SLC22A24: variants seen among roughly 807,000 people sequenced by gnomAD.
The protein encoded by SLC22A24 is steroid transmembrane transporter SLC22A24.
In SLC22A24, 53 loss-of-function variants were observed where a neutral mutation model predicts 49.8. That is an observed-to-expected ratio of 1.06 (90% CI 0.85 to 1.34). The LOEUF is 1.34. Ranked by LOEUF, SLC22A24 falls within the 40% of genes most tolerant of loss-of-function variation. SLC22A24 has a pLI of 0.00. For synonymous variants in SLC22A24, 302 were observed against 256.4 expected, an observed-to-expected ratio of 1.18 and a Z score of -1.70; for missense variants, 786 against 675.9, an observed-to-expected ratio of 1.16 and a Z score of -1.81.
rs2087235585 is a variant in SLC22A24 at position 63,119,340 on chromosome 11, G to A, written c.507-5C>T. On this transcript the variant is annotated splice_polypyrimidine_tract_variant and splice_region_variant and intron_variant, in intron 2 of 9. Coordinates refer to ENST00000612278, the MANE Select transcript of SLC22A24 (RefSeq NM_001136506.2). ...CATATGATCTTCCGTCCAACCCTAA[G>A]AAATATTAAACCAGATAACGTTACT... The A allele has an allele frequency of 6.6e-7, 1 of 1,524,514 alleles. No individual in the cohort carries two copies. The highest frequency in any genetic ancestry group is 8.8e-7 in the Non-Finnish European group (1 of 1,137,938). The allele number at this position is 1,524,514 out of a possible 1,614,324, so 94.4% of individuals were successfully genotyped here.
intron 2 of SLC22A24, among the ~76,000 whole-genome samples, chr11:63,129,352 C>T (rs11231377): frequency 0.21 from 31,919 of 152,060 alleles, 4,257 homozygotes; most frequent in East Asian, 0.34. Context: ...TTTTGGTACC[C>T]GTACCATGCT....
intron 6 of SLC22A24, among the ~76,000 whole-genome samples, chr11:63,090,012 C>T (rs1366358054): frequency 1.5e-5 from 2 of 130,168 alleles, no homozygotes; most frequent in East Asian, 4.8e-4. Context: ...ACCCAGGAGG[C>T]AGAGCTTGCA....
chr11:63,116,700 C>T (rs139010081), intron 4 of SLC22A24, among the ~76,000 whole-genome samples: 9 of 152,246 alleles, frequency 5.9e-5, no homozygotes, highest in East Asian at 3.9e-4. Flanking sequence ...TCTCAGCCCT[C>T]GCCTTCTGGG....
At chr11:63,098,362 C>A (rs1022066017) in intron 5 of SLC22A24, among the ~76,000 whole-genome samples, 8 of 152,056 alleles carry the variant, frequency 5.3e-5, no homozygotes, top group Non-Finnish European at 1.2e-4. Context: ...TGCCTACATC[C>A]AAAATGTATA....
intron 5 of SLC22A24, among the ~76,000 whole-genome samples, chr11:63,099,554 A>G (rs2087078080): frequency 6.6e-6 from 1 of 151,654 alleles, no homozygotes; most frequent in South Asian, 2.1e-4. Flanking sequence ...CGGGAGGAGA[A>G]AATACTTTCA....
At chr11:63,108,307 T>G (rs1248471445) in intron 4 of SLC22A24, among the ~76,000 whole-genome samples, 1 of 152,186 alleles carries the variant, frequency 6.6e-6, no homozygotes, top group Non-Finnish European at 1.5e-5. Flanking sequence ...GTGGATAAGC[T>G]TTTTGATGTG....
chr11:63,127,306 A>G (rs1208840231), intron 2 of SLC22A24, among the ~76,000 whole-genome samples: 2 of 151,914 alleles, frequency 1.3e-5, no homozygotes, highest in Non-Finnish European at 1.5e-5. Context: ...AAGGACATGA[A>G]CTCATCCTTT....
At chr11:63,138,468 C>T (rs1334627266) in intron 1 of SLC22A24, among the ~76,000 whole-genome samples, 1 of 151,812 alleles carries the variant, frequency 6.6e-6, no homozygotes, top group Non-Finnish European at 1.5e-5. Flanking sequence ...CGGTGAAACC[C>T]TGTCTCTACT....
chr11:63,114,860 CCCTGT>C, intron 4 of SLC22A24, among the ~76,000 whole-genome samples: 1 of 152,194 alleles, frequency 6.6e-6, no homozygotes, highest in African/African-American at 2.4e-5. Context: ...CCACTCCAGA[CCCTGT>C]TTGCCTGGGT....
chr11:63,122,244 C>T (rs1198854561), intron 2 of SLC22A24, among the ~76,000 whole-genome samples: 1 of 152,120 alleles, frequency 6.6e-6, no homozygotes, highest in Non-Finnish European at 1.5e-5. Context: ...CCAGACCTGA[C>T]CATAAAAGGT....
intron 6 of SLC22A24, among the ~76,000 whole-genome samples, chr11:63,084,178 G>T (rs535296234): frequency 6.6e-6 from 1 of 152,218 alleles, no homozygotes; most frequent in Non-Finnish European, 1.5e-5. Context: ...CAAGGGCACT[G>T]TAGGCAAGAG....
At chr11:63,108,145 G>GTT in intron 4 of SLC22A24, among the ~76,000 whole-genome samples, 1 of 152,030 alleles carries the variant, frequency 6.6e-6, no homozygotes, top group African/African-American at 2.4e-5. Context: ...TCGCATGCAG[G>GTT]GCTATTGAAT....
intron 4 of SLC22A24, 110 bp from the exon 5 acceptor site, chr11:63,104,408 G>T: frequency 8.0e-7 from 1 of 1,245,114 alleles, no homozygotes; most frequent in Non-Finnish European, 1.1e-6. Context: ...ATAAATTATA[G>T]TAGAGTCATT....
intron 4 of SLC22A24, among the ~76,000 whole-genome samples, chr11:63,113,316 T>G (rs2087188407): frequency 6.6e-6 from 1 of 151,178 alleles, no homozygotes; most frequent in African/African-American, 2.4e-5. Flanking sequence ...CTAGTTATTT[T>G]GCCTGTTAAT....
rs572610991 is a variant in SLC22A24 at position 63,134,788 on chromosome 11, G to C, written c.403-20C>G. Reference sequence around the variant, plus strand: ...GTCCCACTGGAAGAGAAAGAAAGCAGTACAGCAGAGCTTGAGAAGAGTTTC... The same window carrying C: ...GTCCCACTGGAAGAGAAAGAAAGCACTACAGCAGAGCTTGAGAAGAGTTTC... On this transcript the variant is annotated intron_variant, in intron 1 of 9. Coordinates refer to ENST00000612278, the MANE Select transcript of SLC22A24 (RefSeq NM_001136506.2). 1.7e-5 allele frequency: 25 copies of C among 1,501,100 alleles called. No homozygotes were observed. Among genetic ancestry groups the C allele is most frequent in the Non-Finnish European group, 2.3e-5 (25 of 1,096,976 alleles). The allele number at this position is 1,501,100 out of a possible 1,614,324, so 93.0% of individuals were successfully genotyped here. A position where few individuals can be genotyped will look rare whatever the true frequency, so the allele number is the denominator to read the frequency against.
intron 6 of SLC22A24, among the ~76,000 whole-genome samples, chr11:63,089,233 C>A (rs574822851): frequency 6.6e-6 from 1 of 152,302 alleles, no homozygotes; most frequent in East Asian, 1.9e-4. Context: ...TCTGCAGAAA[C>A]CCTACAAGCC....
chr11:63,084,938 ATT>A (rs35160977), intron 6 of SLC22A24, among the ~76,000 whole-genome samples: 107 of 146,502 alleles, frequency 7.3e-4, no homozygotes, highest in East Asian at 1.6e-3. Flanking sequence ...AGAGGATGGG[ATT>A]TTTTTTTTTT....
intron 5 of SLC22A24, among the ~76,000 whole-genome samples, chr11:63,102,835 T>G (rs1380566075): frequency 1.3e-5 from 2 of 152,144 alleles, no homozygotes; most frequent in Non-Finnish European, 2.9e-5. Flanking sequence ...TCATAATTGC[T>G]CTGAACTCCT....
chr11:63,096,687 T>G (rs1367778838), intron 5 of SLC22A24, among the ~76,000 whole-genome samples: 1 of 152,162 alleles, frequency 6.6e-6, no homozygotes, highest in African/African-American at 2.4e-5. Context: ...CTGGGTCCCC[T>G]CATGAGTGGA....
Sources: gnomAD v4.1 joint callset for allele counts (sites outside exome capture counted in the v4.1 genomes callset) on GRCh38, gnomAD v4.1.1 for gene constraint, MANE v1.5 for transcripts, NCBI Gene and HGNC (gene_info 2026-07-23, HGNC 2026-07-21) for gene names.